MGST2: variants seen among roughly 807,000 people sequenced by gnomAD.
MGST2 encodes the protein glutathione peroxidase MGST2.
Under a neutral mutation model 16.6 loss-of-function variants are expected in MGST2, and 9 were observed. The ratio of observed to expected loss-of-function variants is 0.54; its 90% confidence interval spans 0.33 to 0.95. The LOEUF is 0.95. Ranked by LOEUF, MGST2 falls within the 40% of genes least tolerant of loss-of-function variation. MGST2 has a pLI of 0.03. For missense variants in MGST2, 159 were observed against 175.1 expected (o/e 0.91, Z 0.52); for synonymous variants, 79 against 68.0 (o/e 1.16, Z -0.79).
intron 5 of MGST2, among the ~76,000 whole-genome samples, chr4:139,709,541 G>A (rs1381604717): frequency 3.9e-5 from 6 of 152,178 alleles, no homozygotes; most frequent in Admixed American, 3.9e-4. Context: ...GTGGTTGGAT[G>A]TACTTTAAAA....
intron 5 of MGST2, chr4:139,718,039 A>C (rs1728062073): frequency 6.6e-6 from 1 of 152,118 alleles, no homozygotes; most frequent in Non-Finnish European, 1.5e-5. Flanking sequence ...CTGGGATTTT[A>C]TATTTGTCTT....
intron 5 of MGST2, among the ~76,000 whole-genome samples, chr4:139,722,962 A>T (rs1237769889): frequency 6.6e-6 from 1 of 152,266 alleles, no homozygotes; most frequent in Non-Finnish European, 1.5e-5. Flanking sequence ...GGCTTTACTG[A>T]TAGTATTCTC....
At chr4:139,732,433 A>G (rs979786947) in intron 5 of MGST2, among the ~76,000 whole-genome samples, 2 of 152,176 alleles carry the variant, frequency 1.3e-5, no homozygotes, top group African/African-American at 2.4e-5. Flanking sequence ...AAAACAGCAA[A>G]GCAAACAAAA....
chr4:139,687,771 T>G (rs1036554503), intron 2 of MGST2: 1 of 152,242 alleles, frequency 6.6e-6, no homozygotes, highest in African/African-American at 2.4e-5. Context: ...AGAGCTGATA[T>G]GGAGTCCAGC....
At chr4:139,713,883 C>T (rs1468068262) in intron 5 of MGST2, among the ~76,000 whole-genome samples, 1 of 152,232 alleles carries the variant, frequency 6.6e-6, no homozygotes, top group Non-Finnish European at 1.5e-5. Context: ...ATCTTAGCTA[C>T]TGAGCTATAG....
chr4:139,684,373 C>CA (rs1227647911), intron 2 of MGST2, among the ~76,000 whole-genome samples: 16 of 152,150 alleles, frequency 1.1e-4, no homozygotes, highest in African/African-American at 3.4e-4. Flanking sequence ...ACAGCCAAAC[C>CA]ATATCAGTAG....
chr4:139,751,243 A>G, the MGST2 span, among the ~76,000 whole-genome samples: 1 of 152,228 alleles, frequency 6.6e-6, no homozygotes, highest in Non-Finnish European at 1.5e-5. Context: ...TTAAAATATT[A>G]CTTGGAGTAG....
At chr4:139,725,641 G>C in intron 5 of MGST2, 3 of 1,037,986 alleles carry the variant, frequency 2.9e-6, no homozygotes, top group Non-Finnish European at 4.4e-6. Flanking sequence ...TACATATTTT[G>C]AGTATTTCCT....
chr4:139,719,733 G>A (rs368792938), intron 5 of MGST2: 22 of 1,613,728 alleles, frequency 1.4e-5, no homozygotes, highest in Non-Finnish European at 1.7e-5. Context: ...AGTCCCTGTG[G>A]GAAGTGCTGC....
intron 1 of MGST2, among the ~76,000 whole-genome samples, chr4:139,670,617 A>G (rs1730635312): frequency 6.6e-6 from 1 of 152,212 alleles, no homozygotes; most frequent in Non-Finnish European, 1.5e-5. Context: ...AAATGCTTAC[A>G]TTAAGAGAAG....
intron 1 of MGST2, among the ~76,000 whole-genome samples, chr4:139,667,343 C>T (rs545687858): frequency 6.6e-6 from 1 of 152,268 alleles, no homozygotes; most frequent in East Asian, 1.9e-4. Flanking sequence ...TCCTGACTCA[C>T]AGGTGCTACC....
rs368736662 is a variant in MGST2 at position 139,703,710 on chromosome 4, A to C, written c.311+174A>C. Among the ~76,000 whole-genome samples, 3 of 152,338 alleles carry C rather than the reference A, an allele frequency of 2.0e-5. No homozygotes were observed. The South Asian group carries it at 6.2e-4, about 32-fold the overall frequency. On this transcript the variant is annotated intron_variant, in intron 4 of 4. Coordinates refer to ENST00000265498, the MANE Select transcript of MGST2 (RefSeq NM_002413.5). ...ATACACAATTAGGCATGAGATGGGA[A>C]AATGCAAGTATAAAACTGTGCACTG...
downstream of MGST2, among the ~76,000 whole-genome samples, chr4:139,744,661 G>T (rs1313098525): frequency 6.6e-6 from 1 of 152,202 alleles, no homozygotes; most frequent in Non-Finnish European, 1.5e-5. Context: ...CAGCACAATG[G>T]CAGGGGCTAT....
the MGST2 span, among the ~76,000 whole-genome samples, chr4:139,752,526 G>T: frequency 6.6e-6 from 1 of 152,184 alleles, no homozygotes; most frequent in Non-Finnish European, 1.5e-5. Flanking sequence ...GGGTCAAAAA[G>T]AGGATGGCTG....
rs758337646 is a variant in MGST2 at position 139,720,022 on chromosome 4, C to T, written c.*48+15826C>T. 1.1e-5 allele frequency: 18 copies of T among 1,613,968 alleles called. No individual in the cohort carries two copies. In the African/African-American group the frequency reaches 2.1e-4, roughly 19 times the overall value. The stretch of plus-strand genomic sequence containing the variant: ...AGCCACTCACCATTCCAACCCCCTG[C>T]CCAGAGGCAGGTTGCCTCGGTCCCT... On this transcript the variant is annotated intron_variant, in intron 5 of 5. Transcript: ENST00000616265.
the MGST2 span, among the ~76,000 whole-genome samples, chr4:139,753,708 T>C: frequency 0.025 from 3,781 of 152,300 alleles, 126 homozygotes; most frequent in East Asian, 0.15. Context: ...TCAAGTCAAA[T>C]AGATGTTAAA....
chr4:139,678,741 G>T, intron 2 of MGST2, 99 bp downstream of exon 2: 1 of 908,620 alleles, frequency 1.1e-6, no homozygotes, highest in South Asian at 1.4e-5. Context: ...CTAAGTTCAT[G>T]TGCAATATCT....
In MGST2 at chr4:139,713,412, G is replaced by A. The variant is rs1464029474; in HGVS notation, c.*48+9216G>A. Among the ~76,000 whole-genome samples the A allele has an allele frequency of 3.4e-5, 5 of 146,144 alleles. No homozygotes were observed. In the East Asian group the frequency reaches 1.0e-3, roughly 29 times the overall value. Reference sequence around the variant, plus strand: ...TGACACCTCCTTTGTTTTTCCCAAGGAGTCCCAGGCTACCAGAAGTTATCT... The same window carrying A: ...TGACACCTCCTTTGTTTTTCCCAAGAAGTCCCAGGCTACCAGAAGTTATCT... On this transcript the variant is annotated intron_variant, in intron 5 of 5. Coordinates refer to the MGST2 transcript ENST00000616265.
the MGST2 span, among the ~76,000 whole-genome samples, chr4:139,749,267 A>G: frequency 9.9e-4 from 151 of 152,312 alleles, no homozygotes; most frequent in Middle Eastern, 3.4e-3. Flanking sequence ...TTGCATTAAC[A>G]CAGATTTCAA....
Sources: allele counts gnomAD v4.1 joint callset (sites outside exome capture counted in the v4.1 genomes callset), GRCh38; gene constraint gnomAD v4.1.1; transcripts MANE v1.5; gene names NCBI Gene and HGNC (gene_info 2026-07-23, HGNC 2026-07-21).